The following PIK3C2B variants were observed in gnomAD, a reference collection of about 807,000 sequenced individuals.
The protein encoded by PIK3C2B is phosphatidylinositol 4-phosphate 3-kinase C2 domain-containing subunit beta.
A neutral mutation model predicts 184.3 loss-of-function variants in PIK3C2B; 83 were observed. The ratio of observed to expected loss-of-function variants is 0.45; its 90% confidence interval spans 0.38 to 0.54. The LOEUF is 0.54. Ranked by LOEUF, PIK3C2B falls within the 20% of genes least tolerant of loss-of-function variation. The pLI is 0.00. For synonymous variants in PIK3C2B, 779 were observed against 837.6 expected (o/e 0.93, Z 1.21); for missense variants, 1,736 against 2,113.5 (o/e 0.82, Z 3.50).
intron 32 of PIK3C2B, 49 bp downstream of exon 32, chr1:204,425,564 A>T: frequency 1.3e-6 from 2 of 1,594,020 alleles, no homozygotes; most frequent in Non-Finnish European, 1.7e-6. Context: ...CTAGGAGAAC[A>T]GGCGCAGGTT....
chr1:204,490,161 T>G (rs1161924759), intron 1 of PIK3C2B: 4 of 384,292 alleles, frequency 1.0e-5, no homozygotes, highest in African/African-American at 2.1e-5. Context: ...TCTGAAATAC[T>G]GTGAAGCCTC....
intron 8 of PIK3C2B, among the ~76,000 whole-genome samples, chr1:204,458,505 T>TTA (rs1038163854): frequency 2.6e-5 from 4 of 151,900 alleles, no homozygotes; most frequent in African/African-American, 9.7e-5. Context: ...TTTTTTTTTT[T>TTA]TTTTTTGAGA....
Position 204,431,752 on chromosome 1 carries a change from G to A in PIK3C2B, c.4197C>T (p.Ala1399=), listed in dbSNP as rs1675073254. ...CCTCAAAGGTCCGCTGGATGTAGGT[G>A]GCCTCGTGAGTGTTCTCTCGCATCA... The part of the protein sequence containing the change: ...VKVMRENTHE[A]TYIQRTFEEF... The change falls in exon 28 of 33, where the codon GCC becomes GCT. Residue 1399 remains alanine, a synonymous_variant. Transcript: ENST00000684373. 3.7e-6 allele frequency: 6 copies of A among 1,614,012 alleles called. No individual in the cohort carries two copies. The African/African-American group carries it at 6.7e-5, about 18-fold the overall frequency.
At position 204,454,712 on chromosome 1, in the gene PIK3C2B, G is replaced by A. The variant is rs761242122; in HGVS notation, c.2023C>T (p.His675Tyr). 3.3e-5 allele frequency: 53 copies of A among 1,613,346 alleles called. No homozygotes were observed. The highest frequency in any genetic ancestry group is 4.2e-5 in the Non-Finnish European group (49 of 1,179,980). Reference sequence around the variant, plus strand: ...AGGTGGAAGAGGTACTTGGAGAAGTGAGCTCTTCGGGTCTGCAGGGGGCTG... The same window carrying A: ...AGGTGGAAGAGGTACTTGGAGAAGTAAGCTCTTCGGGTCTGCAGGGGGCTG... ...LCSPLQTRRA[H>Y]FSKYLFHLIV... is the part of the protein sequence containing the mutation. The change falls in exon 12 of 33, where the codon CAC (histidine) becomes TAC (tyrosine). Residue 675 changes from histidine (H) to tyrosine (Y), a missense_variant. Coordinates refer to ENST00000684373, the MANE Select transcript of PIK3C2B (RefSeq NM_001377334.1).
At chr1:204,449,803 C>T in intron 13 of PIK3C2B, 47 bp downstream of exon 13, 1 of 1,518,480 alleles carries the variant, frequency 6.6e-7, no homozygotes, top group Non-Finnish European at 8.9e-7. Context: ...CTCTGTCCCC[C>T]TCCTCCCCTT....
At chr1:204,435,309 A>G (rs1307476212) in intron 23 of PIK3C2B, 2 of 152,152 alleles carry the variant, frequency 1.3e-5, no homozygotes, top group Admixed American at 1.3e-4. Context: ...TGTCTGGTCA[A>G]CATCCATCCC....
intron 23 of PIK3C2B, among the ~76,000 whole-genome samples, chr1:204,437,949 T>C (rs1675441530): frequency 6.6e-6 from 1 of 151,840 alleles, no homozygotes; most frequent in Non-Finnish European, 1.5e-5. Context: ...AAGATACAGG[T>C]GGTAGTTGAA....
At chr1:204,493,524 A>AAAACAC (rs150074334) in intron 1 of PIK3C2B, among the ~76,000 whole-genome samples, 2 of 143,900 alleles carry the variant, frequency 1.4e-5, no homozygotes, top group African/African-American at 2.6e-5. Flanking sequence ...AATGGCAGAA[A>AAAACAC]ACACACACAC....
At chr1:204,434,021 G>T in intron 24 of PIK3C2B, 72 bp from the exon 25 acceptor site, 1 of 1,292,728 alleles carries the variant, frequency 7.7e-7, no homozygotes, top group Non-Finnish European at 1.1e-6. Flanking sequence ...CTGCATCAGG[G>T]GTCAGTTTCC....
chr1:204,468,255 G>C (rs1452164438), intron 2 of PIK3C2B, among the ~76,000 whole-genome samples: 1 of 152,096 alleles, frequency 6.6e-6, no homozygotes, highest in Non-Finnish European at 1.5e-5. Flanking sequence ...GAACAGAGCA[G>C]GGAGAGAGAG....
At chr1:204,493,524 A>ACACACAC in intron 1 of PIK3C2B, among the ~76,000 whole-genome samples, 1 of 143,996 alleles carries the variant, frequency 6.9e-6, no homozygotes, top group South Asian at 2.3e-4. Context: ...AATGGCAGAA[A>ACACACAC]ACACACACAC....
At chr1:204,487,414 C>T (rs543941010) in intron 1 of PIK3C2B, among the ~76,000 whole-genome samples, 24 of 152,280 alleles carry the variant, frequency 1.6e-4, no homozygotes, top group African/African-American at 5.1e-4. Context: ...GCATGGATTA[C>T]CTCGTATTTA....
intron 1 of PIK3C2B, among the ~76,000 whole-genome samples, chr1:204,477,540 C>A (rs1468440057): frequency 6.6e-6 from 1 of 152,140 alleles, no homozygotes; most frequent in Admixed American, 6.5e-5. Flanking sequence ...CAGAGTGACA[C>A]AATGGTTCAG....
At chr1:204,440,408 C>G in intron 21 of PIK3C2B, 87 bp from the exon 22 acceptor site, 1 of 1,394,190 alleles carries the variant, frequency 7.2e-7, no homozygotes. Flanking sequence ...TGGCCCTAAA[C>G]TAACAGTGAC....
chr1:204,439,903 C>A (rs948920490), intron 22 of PIK3C2B, among the ~76,000 whole-genome samples: 1 of 152,186 alleles, frequency 6.6e-6, no homozygotes. Flanking sequence ...GCTGGGATTA[C>A]AGGCATGAGC....
At chr1:204,437,293 G>A (rs6668749) in intron 23 of PIK3C2B, among the ~76,000 whole-genome samples, 38 of 151,850 alleles carry the variant, frequency 2.5e-4, no homozygotes, top group Admixed American at 2.5e-3. Flanking sequence ...TCAGGAGTTC[G>A]CGACCAGCCT....
rs752151445 is a variant in PIK3C2B, at chr1:204,456,088, GC to G, written c.1748-38del. 1.6e-4 allele frequency: 241 copies of G among 1,543,926 alleles called. 3 individuals are homozygous for G. In the Admixed American group the frequency reaches 4.1e-3, roughly 26 times the overall value. On this transcript the variant is annotated intron_variant, in intron 10 of 32. Transcript: ENST00000684373. ...AGGGGTCAGAAGGGAAAGTCATGAG[GC>G]CTCCACAAGCCCTACCTTGTTGCCA... is the stretch of plus-strand genomic sequence containing the variant.
chr1:204,481,576 G>A (rs1180312538), intron 1 of PIK3C2B, among the ~76,000 whole-genome samples: 2 of 152,140 alleles, frequency 1.3e-5, no homozygotes, highest in African/African-American at 2.4e-5. Context: ...AGTGTCACTG[G>A]CAAAGAAGTC....
In PIK3C2B at chr1:204,494,462, C is replaced by G. The variant is rs1409919724; in HGVS notation, c.-191G>C. The G allele has an allele frequency of 6.6e-6, 1 of 152,522 alleles. No homozygotes were observed. Among genetic ancestry groups the G allele is most frequent in the Non-Finnish European group, 1.5e-5 (1 of 68,292 alleles). The allele number at this position is 152,522 out of a possible 1,614,324, so 9.4% of individuals were successfully genotyped here. ...GCTCGCTCTGCGGCTCCAGGCGCCT[C>G]TTGCACCAGCGCGAGAGGAGCTGGC... On this transcript the variant is annotated 5_prime_UTR_variant, in exon 1 of 33. Transcript: ENST00000684373.
Sources: gnomAD v4.1 joint callset for allele counts (sites outside exome capture counted in the v4.1 genomes callset) on GRCh38, gnomAD v4.1.1 for gene constraint, MANE v1.5 for transcripts, NCBI Gene and HGNC (gene_info 2026-07-23, HGNC 2026-07-21) for gene names.